Variants in LTBP1 observed in about 807,000 individuals in gnomAD.
LTBP1 encodes the protein latent transforming growth factor beta binding protein 1, also known as latent-transforming growth factor beta-binding protein 1.
LTBP1 carries 129 observed loss-of-function variants against 207.6 expected under a neutral mutation model. That is an observed-to-expected ratio of 0.62 (90% CI 0.54 to 0.72). The LOEUF (loss-of-function observed/expected upper bound fraction) is 0.72, where lower values mean the gene tolerates loss of function less well. Ranked by LOEUF, LTBP1 falls within the 30% of genes least tolerant of loss-of-function variation. The pLI, the probability that LTBP1 is intolerant of heterozygous loss-of-function variation, is 0.00. For missense variants in LTBP1, 2,281 were observed against 2,217.2 expected (o/e 1.03, Z -0.58); for synonymous variants, 963 against 833.7 (o/e 1.16, Z -2.67).
intron 3 of LTBP1, among the ~76,000 whole-genome samples, chr2:33,047,364 G>A (rs900217778): frequency 1.3e-5 from 2 of 152,082 alleles, no homozygotes; most frequent in African/African-American, 2.4e-5. Context: ...CCTTAATTTC[G>A]TTATGTACCC....
chr2:33,059,832 G>T (rs1391569202), intron 3 of LTBP1, among the ~76,000 whole-genome samples: 4 of 152,150 alleles, frequency 2.6e-5, no homozygotes, highest in African/African-American at 4.8e-5. Flanking sequence ...TGGCATGAAT[G>T]TCTGAGAAAA....
At chr2:32,983,989 A>G (rs1683157819) in intron 2 of LTBP1, among the ~76,000 whole-genome samples, 1 of 152,224 alleles carries the variant, frequency 6.6e-6, no homozygotes, top group African/African-American at 2.4e-5. Flanking sequence ...CATAATTTTC[A>G]TCTAAGACAC....
chr2:33,058,418 A>C (rs2077110525), intron 3 of LTBP1, among the ~76,000 whole-genome samples: 1 of 152,218 alleles, frequency 6.6e-6, no homozygotes, highest in Admixed American at 6.5e-5. Context: ...TGATTTGCCT[A>C]ATCGAAGCCA....
chr2:33,345,645 C>T (rs1208097107), intron 25 of LTBP1, among the ~76,000 whole-genome samples: 1 of 152,116 alleles, frequency 6.6e-6, no homozygotes, highest in Non-Finnish European at 1.5e-5. Flanking sequence ...GGATTTATAT[C>T]TCTTTATATA....
At chr2:33,028,837 A>G (rs1393322673) in intron 3 of LTBP1, among the ~76,000 whole-genome samples, 2 of 152,188 alleles carry the variant, frequency 1.3e-5, no homozygotes, top group African/African-American at 4.8e-5. Flanking sequence ...AATGGCTGTG[A>G]TAGACATAAG....
chr2:33,122,253 C>A (rs756799680), intron 4 of LTBP1, among the ~76,000 whole-genome samples: 1 of 152,196 alleles, frequency 6.6e-6, no homozygotes, highest in Non-Finnish European at 1.5e-5. Context: ...GCTGACCTGC[C>A]AACTCCCTTG....
intron 5 of LTBP1, among the ~76,000 whole-genome samples, chr2:33,175,408 C>T (rs1440304893): frequency 1.3e-5 from 2 of 151,990 alleles, no homozygotes; most frequent in Non-Finnish European, 2.9e-5. Flanking sequence ...AAAAAATGCT[C>T]ATCATCACTG....
chr2:33,166,490 G>A (rs939355196), intron 5 of LTBP1, among the ~76,000 whole-genome samples: 1 of 152,128 alleles, frequency 6.6e-6, no homozygotes, highest in Non-Finnish European at 1.5e-5. Context: ...TTCTTATCCT[G>A]TACAGAATCT....
chr2:33,204,980 A>G (rs985482704), intron 7 of LTBP1, among the ~76,000 whole-genome samples: 7 of 152,216 alleles, frequency 4.6e-5, no homozygotes, highest in African/African-American at 1.7e-4. Flanking sequence ...TTTTTCAAAT[A>G]ATTGGATTGG....
intron 3 of LTBP1, among the ~76,000 whole-genome samples, chr2:33,093,974 A>G (rs1335253738): frequency 6.6e-6 from 1 of 152,202 alleles, no homozygotes; most frequent in African/African-American, 2.4e-5. Flanking sequence ...TGGGTCCTAC[A>G]TAAGTAATTT....
intron 3 of LTBP1, among the ~76,000 whole-genome samples, chr2:33,057,749 C>T (rs569934518): frequency 4.6e-5 from 7 of 152,346 alleles, no homozygotes; most frequent in South Asian, 2.1e-4. Context: ...CCACGCTCAC[C>T]GGGAACTCTA....
At chr2:33,049,596 G>C (rs1255845886) in intron 3 of LTBP1, among the ~76,000 whole-genome samples, 1 of 151,994 alleles carries the variant, frequency 6.6e-6, no homozygotes, top group African/African-American at 2.4e-5. Flanking sequence ...GTGATAAAAA[G>C]GGTTAATAAA....
At chr2:33,119,681 C>T (rs550486836) in intron 4 of LTBP1, among the ~76,000 whole-genome samples, 4 of 152,132 alleles carry the variant, frequency 2.6e-5, no homozygotes, top group African/African-American at 9.7e-5. Context: ...CTCAGCTTCC[C>T]GAGTAGGCTG....
At chr2:33,292,463 C>G (rs998068562) in intron 19 of LTBP1, among the ~76,000 whole-genome samples, 1 of 152,172 alleles carries the variant, frequency 6.6e-6, no homozygotes, top group African/African-American at 2.4e-5. Flanking sequence ...GTTCCTTCCT[C>G]CATAAAATGG....
chr2:33,250,550 A>G (rs1478205659), intron 10 of LTBP1, among the ~76,000 whole-genome samples: 1 of 152,114 alleles, frequency 6.6e-6, no homozygotes, highest in Non-Finnish European at 1.5e-5. Context: ...GAGGCTCCCC[A>G]GTGTGAGGAA....
intron 3 of LTBP1, among the ~76,000 whole-genome samples, chr2:33,057,217 C>T (rs1210055242): frequency 6.6e-6 from 1 of 151,818 alleles, no homozygotes; most frequent in Non-Finnish European, 1.5e-5. Flanking sequence ...GGTGCATCCA[C>T]AAATCCTGAG....
chr2:32,955,312 T>C (rs1462442046), intron 2 of LTBP1, among the ~76,000 whole-genome samples: 1 of 152,264 alleles, frequency 6.6e-6, no homozygotes, highest in Non-Finnish European at 1.5e-5. Context: ...TTGCTGCACA[T>C]GCAGTTTTTA....
chr2:33,281,555 G>A (rs1039898992), intron 19 of LTBP1, among the ~76,000 whole-genome samples: 1 of 152,084 alleles, frequency 6.6e-6, no homozygotes, highest in Admixed American at 6.5e-5. Context: ...AGACATTTAG[G>A]TGTTTTAATG....
intron 5 of LTBP1, among the ~76,000 whole-genome samples, chr2:33,175,439 C>G (rs1196365687): frequency 6.6e-6 from 1 of 151,960 alleles, no homozygotes; most frequent in African/African-American, 2.4e-5. Context: ...AAATGCAAAT[C>G]AAAACCACAA....
Sources: allele counts gnomAD v4.1 joint callset (sites outside exome capture counted in the v4.1 genomes callset), GRCh38; gene constraint gnomAD v4.1.1; transcripts MANE v1.5; gene names NCBI Gene and HGNC (gene_info 2026-07-23, HGNC 2026-07-21).